GRHL2: variants seen among roughly 807,000 people sequenced by gnomAD.
GRHL2 encodes grainyhead like transcription factor 2.
GRHL2 carries 21 observed loss-of-function variants against 83.8 expected under a neutral mutation model. The ratio of observed to expected loss-of-function variants is 0.25; its 90% CI spans 0.18 to 0.36. The LOEUF is 0.36. Ranked by LOEUF, GRHL2 falls within the 10% of genes least tolerant of loss-of-function variation. The probability of loss-of-function intolerance (pLI) is 1.00; values close to 1 mark genes in which losing one functional copy is unlikely to be tolerated. For synonymous variants in GRHL2, 280 were observed against 278.9 expected (o/e 1.00, Z -0.04); for missense variants, 623 against 781.8 (o/e 0.80, Z 2.42).
intron 4 of GRHL2, among the ~76,000 whole-genome samples, chr8:101,569,008 C>G (rs112021527): frequency 8.5e-4 from 130 of 152,186 alleles, no homozygotes; most frequent in African/African-American, 3.1e-3. Flanking sequence ...TAACATTTTT[C>G]CTTTAGAAGG....
At chr8:101,598,737 G>A (rs374363915) in intron 7 of GRHL2, among the ~76,000 whole-genome samples, 25 of 151,644 alleles carry the variant, frequency 1.6e-4, no homozygotes, top group African/African-American at 6.1e-4. Flanking sequence ...AGGGAGAGTG[G>A]GTAGGTGACG....
chr8:101,670,610 T>C (rs1013207357), downstream of GRHL2, among the ~76,000 whole-genome samples: 1 of 152,204 alleles, frequency 6.6e-6, no homozygotes, highest in Non-Finnish European at 1.5e-5. Flanking sequence ...GAGGTCTTGG[T>C]GCTCTCCCCA....
intron 8 of GRHL2, among the ~76,000 whole-genome samples, chr8:101,609,099 C>T (rs1454044873): frequency 2.0e-5 from 3 of 149,338 alleles, no homozygotes; most frequent in Non-Finnish European, 4.4e-5. Context: ...GGAGGGTGGG[C>T]AAAACAGGGT....
chr8:101,621,001 A>C (rs1812954487), intron 9 of GRHL2, among the ~76,000 whole-genome samples: 1 of 152,172 alleles, frequency 6.6e-6, no homozygotes, highest in Non-Finnish European at 1.5e-5. Context: ...AGAGGTCAAA[A>C]TAAAAATGAA....
chr8:101,503,485 G>T (rs1386839637), intron 1 of GRHL2, among the ~76,000 whole-genome samples: 1 of 152,112 alleles, frequency 6.6e-6, no homozygotes, highest in Non-Finnish European at 1.5e-5. Flanking sequence ...ACAAAACCGG[G>T]TTCGGGTAAA....
At position 101,610,161 on chromosome 8, in the gene GRHL2, C is replaced by A. The variant is rs963808839; in HGVS notation, c.1099-9378C>A. ...TGAAGGTTTCTGCCTGAGAGACTTC[C>A]CCATGCTCTCCCCAGCAATACCTGG... On this transcript the variant is annotated intron_variant, in intron 8 of 15. Coordinates refer to ENST00000646743, the MANE Select transcript of GRHL2 (RefSeq NM_024915.4). Among the ~76,000 whole-genome samples the A allele has an allele frequency of 9.3e-5, 14 of 150,702 alleles. 1 individual carries two copies. Among genetic ancestry groups the A allele is most frequent in the Admixed American group, 2.6e-4 (4 of 15,224 alleles).
At chr8:101,495,569 CTTATT>C (rs766998599) in intron 1 of GRHL2, among the ~76,000 whole-genome samples, 10 of 152,182 alleles carry the variant, frequency 6.6e-5, no homozygotes, top group Non-Finnish European at 1.3e-4. Flanking sequence ...TTAAGAAACT[CTTATT>C]TTACTGCCAA....
intron 1 of GRHL2, among the ~76,000 whole-genome samples, chr8:101,512,769 G>A (rs1586407549): frequency 6.6e-6 from 1 of 152,220 alleles, no homozygotes; most frequent in South Asian, 2.1e-4. Flanking sequence ...TCACTGTTGA[G>A]CATAATGGTG....
At chr8:101,627,088 A>G (rs2130387527) in intron 9 of GRHL2, among the ~76,000 whole-genome samples, 1 of 152,242 alleles carries the variant, frequency 6.6e-6, no homozygotes, top group South Asian at 2.1e-4. Context: ...TGGGTTTGGC[A>G]TATGAAAGAA....
At chr8:101,670,821 A>ACTC (rs1351903355), downstream of GRHL2, among the ~76,000 whole-genome samples, 3 of 151,936 alleles carry the variant, frequency 2.0e-5, no homozygotes, top group Admixed American at 6.5e-5. Flanking sequence ...CTTGTCTCCC[A>ACTC]CTCTCTACAC....
the GRHL2 span, among the ~76,000 whole-genome samples, chr8:101,680,589 A>G: frequency 8.3e-6 from 1 of 120,466 alleles, no homozygotes; most frequent in African/African-American, 3.4e-5. Context: ...ATAGACATCT[A>G]CAGAACTCTC....
At chr8:101,643,919 T>TA (rs746878616) in intron 12 of GRHL2, among the ~76,000 whole-genome samples, 64 of 152,370 alleles carry the variant, frequency 4.2e-4, no homozygotes, top group Non-Finnish European at 7.5e-4. Context: ...AAGCACGTGT[T>TA]AAGTCCATGC....
chr8:101,618,779 A>G (rs545044356), intron 8 of GRHL2, among the ~76,000 whole-genome samples: 1 of 152,248 alleles, frequency 6.6e-6, no homozygotes, highest in African/African-American at 2.4e-5. Context: ...TGGAACAAAG[A>G]CAGATATGTA....
intron 12 of GRHL2, among the ~76,000 whole-genome samples, chr8:101,638,150 G>C (rs11995361): frequency 0.12 from 18,175 of 152,138 alleles, 2,368 homozygotes; most frequent in African/African-American, 0.33. Flanking sequence ...ATCTTTAGAT[G>C]TTTTTTCTTC....
At chr8:101,674,775 A>G in the GRHL2 span, among the ~76,000 whole-genome samples, 1 of 152,190 alleles carries the variant, frequency 6.6e-6, no homozygotes, top group Non-Finnish European at 1.5e-5. Flanking sequence ...TTTTAGACCA[A>G]TATCCTTGAT....
chr8:101,521,318 C>A (rs781173891), intron 1 of GRHL2, among the ~76,000 whole-genome samples: 1 of 152,174 alleles, frequency 6.6e-6, no homozygotes, highest in Non-Finnish European at 1.5e-5. Flanking sequence ...CACACATGAT[C>A]GCTGGCTGGA....
chr8:101,609,393 G>C (rs1410921279), intron 8 of GRHL2, among the ~76,000 whole-genome samples: 3 of 150,958 alleles, frequency 2.0e-5, no homozygotes, highest in African/African-American at 7.4e-5. Flanking sequence ...CTGGGGGTGA[G>C]GCCCTTTAAC....
chr8:101,582,740 T>A (rs1379566048), intron 7 of GRHL2, among the ~76,000 whole-genome samples: 1 of 152,252 alleles, frequency 6.6e-6, no homozygotes. Context: ...CAGAGGAACG[T>A]CACTAAGCCA....
chr8:101,492,756 T>A lies in GRHL2; in HGVS notation c.-14T>A, dbSNP rs771676296. 1.2e-6 allele frequency: 2 copies of A among 1,613,472 alleles called. No individual in the cohort carries two copies. The highest frequency in any genetic ancestry group is 1.7e-6 in the Non-Finnish European group (2 of 1,179,416). On this transcript the variant is annotated 5_prime_UTR_variant, in exon 1 of 16. Transcript: ENST00000646743. ...AGGCTCCAGGAAAAGCGGAGCAAGT[T>A]CATTGGATCAAACATGTCACAAGAG... is the stretch of plus-strand genomic sequence containing the variant.
Sources: allele counts gnomAD v4.1 joint callset (sites outside exome capture counted in the v4.1 genomes callset), GRCh38; gene constraint gnomAD v4.1.1; transcripts MANE v1.5; gene names NCBI Gene and HGNC (gene_info 2026-07-23, HGNC 2026-07-21).